The following DAP variants were observed in gnomAD, a reference collection of about 807,000 sequenced individuals.
DAP encodes death-associated protein 1.
A neutral mutation model predicts 13.8 loss-of-function variants in DAP; 8 were observed. The ratio of observed to expected loss-of-function variants is 0.58; its 90% CI spans 0.34 to 1.05. The LOEUF is 1.05. DAP is among the 50% of genes least tolerant of loss of function. The pLI is 0.03. For synonymous variants in DAP, 47 were observed against 47.5 expected, an observed-to-expected ratio of 0.99 and a Z score of 0.04; for missense variants, 106 against 133.2, an observed-to-expected ratio of 0.80 and a Z score of 1.01.
chr5:10,714,491 A>T (rs186170357), intron 2 of DAP, among the ~76,000 whole-genome samples: 2 of 152,260 alleles, frequency 1.3e-5, no homozygotes, highest in Admixed American at 1.3e-4. Flanking sequence ...TAATATTTTG[A>T]TAACTGTACC....
At position 10,680,888 on chromosome 5, in the gene DAP, C is replaced by T. The variant is rs1203494335; in HGVS notation, c.*168G>A. On this transcript the variant is annotated 3_prime_UTR_variant, in exon 4 of 4. Transcript: ENST00000230895. ...CCCATAAACAAGGTTTGGGCTGGAG[C>T]TGTTTCTAGTTTTAAATATGGAAAT... 1 of 1,537,090 alleles carries T rather than the reference C, an allele frequency of 6.5e-7. No individual in the cohort carries two copies. Among genetic ancestry groups the T allele is most frequent in the South Asian group, 1.2e-5 (1 of 84,066 alleles).
At chr5:10,738,963 G>A (rs1298959138) in intron 2 of DAP, among the ~76,000 whole-genome samples, 1 of 152,058 alleles carries the variant, frequency 6.6e-6, no homozygotes, top group East Asian at 1.9e-4. Context: ...AGCACTTTGG[G>A]AGGCTGAGGA....
intron 1 of DAP, among the ~76,000 whole-genome samples, chr5:10,756,310 A>AC (rs1740180591): frequency 1.0e-5 from 1 of 97,608 alleles, no homozygotes; most frequent in Admixed American, 9.7e-5. Flanking sequence ...ACTGGTTGAC[A>AC]CTGGGACTAT....
chr5:10,721,139 A>C (rs1739127804), intron 2 of DAP, among the ~76,000 whole-genome samples: 2 of 152,192 alleles, frequency 1.3e-5, no homozygotes, highest in Non-Finnish European at 1.5e-5. Flanking sequence ...GGCTGGGGCA[A>C]AGTTCTCCAA....
intron 2 of DAP, among the ~76,000 whole-genome samples, chr5:10,699,577 C>T (rs1166883662): frequency 6.6e-6 from 1 of 152,238 alleles, no homozygotes; most frequent in Non-Finnish European, 1.5e-5. Flanking sequence ...GTCTCTGTGG[C>T]AACCCCATGA....
chr5:10,683,408 G>GTC, intron 3 of DAP, 121 bp downstream of exon 3: 1 of 977,482 alleles, frequency 1.0e-6, no homozygotes, highest in Non-Finnish European at 1.7e-6. Flanking sequence ...CATGGCCACA[G>GTC]AGGAGATGAG....
In DAP at chr5:10,681,013, G is replaced by A. The variant is rs770270168; in HGVS notation, c.*43C>T. The A allele has an allele frequency of 6.4e-7, 1 of 1,558,204 alleles. No homozygotes were observed. Among genetic ancestry groups the A allele is most frequent in the South Asian group, 1.2e-5 (1 of 84,738 alleles). On this transcript the variant is annotated 3_prime_UTR_variant, in exon 4 of 4. Coordinates refer to ENST00000230895, the MANE Select transcript of DAP (RefSeq NM_004394.3). ...TCTCTCTGTCAGGGAAATACCAAGT[G>A]CAGCAGAGCCGGGGCCATGGGGCAG... is the stretch of plus-strand genomic sequence containing the variant.
intron 2 of DAP, among the ~76,000 whole-genome samples, chr5:10,731,662 C>T (rs1224854450): frequency 6.6e-6 from 1 of 152,244 alleles, no homozygotes; most frequent in Non-Finnish European, 1.5e-5. Flanking sequence ...CTGTAAACCA[C>T]ATATCTAAGG....
At position 10,680,644 on chromosome 5, in the gene DAP, T is replaced by A. The variant is rs1446969781; in HGVS notation, c.*412A>T. On this transcript the variant is annotated 3_prime_UTR_variant, in exon 4 of 4. Transcript: ENST00000230895. ...TACTCTCCCACAGGTGTTGAGATTT[T>A]ATTGGCCCATACTAAAAAGCATGCA... The A allele has an allele frequency of 1.6e-6, 2 of 1,221,876 alleles. No homozygotes were observed. The highest frequency in any genetic ancestry group is 1.5e-5 in the South Asian group (1 of 66,878). 75.7% of individuals were successfully genotyped at this position (1,221,876 alleles called of 1,614,324 possible). A position where few individuals can be genotyped will look rare whatever the true frequency, so the allele number is the denominator to read the frequency against.
chr5:10,743,462 C>G (rs1368497314), intron 2 of DAP, among the ~76,000 whole-genome samples: 3 of 152,156 alleles, frequency 2.0e-5, no homozygotes. Context: ...TTCCCCATTT[C>G]TGTTTCTTCC....
chr5:10,699,845 C>G (rs1738522905), intron 2 of DAP, among the ~76,000 whole-genome samples: 1 of 152,322 alleles, frequency 6.6e-6, no homozygotes, highest in South Asian at 2.1e-4. Flanking sequence ...CTGGGGTGTC[C>G]CCTGCCTTGA....
chr5:10,695,667 C>T (rs1432626094), intron 2 of DAP, among the ~76,000 whole-genome samples: 1 of 152,146 alleles, frequency 6.6e-6, no homozygotes, highest in African/African-American at 2.4e-5. Context: ...CTGCCCCTTC[C>T]TCAGAACTAC....
chr5:10,749,968 A>C (rs949737535), intron 1 of DAP, among the ~76,000 whole-genome samples: 6 of 152,120 alleles, frequency 3.9e-5, no homozygotes, highest in African/African-American at 1.4e-4. Flanking sequence ...CTTCATCTGC[A>C]GAAAGGAGAT....
intron 2 of DAP, among the ~76,000 whole-genome samples, chr5:10,741,677 C>A (rs1402476301): frequency 6.6e-6 from 1 of 152,200 alleles, no homozygotes; most frequent in Non-Finnish European, 1.5e-5. Context: ...TCCATCATTA[C>A]TATTTATTTA....
chr5:10,757,218 G>T (rs149830817), intron 1 of DAP, among the ~76,000 whole-genome samples: 2 of 152,044 alleles, frequency 1.3e-5, no homozygotes, highest in Non-Finnish European at 2.9e-5. Context: ...CTTTCCGGCC[G>T]CTCCCACTAG....
chr5:10,702,807 G>A (rs1561013080), intron 2 of DAP, among the ~76,000 whole-genome samples: 1 of 152,192 alleles, frequency 6.6e-6, no homozygotes, highest in Non-Finnish European at 1.5e-5. Flanking sequence ...GCCTAAACCA[G>A]AGAAAGACTA....
chr5:10,689,434 T>TAAGA (rs1738242971), intron 2 of DAP, among the ~76,000 whole-genome samples: 1 of 152,138 alleles, frequency 6.6e-6, no homozygotes, highest in Non-Finnish European at 1.5e-5. Flanking sequence ...TTGCAGCGTC[T>TAAGA]AAGAGTCCAC....
intron 2 of DAP, among the ~76,000 whole-genome samples, chr5:10,699,550 C>T (rs763144588): frequency 6.6e-6 from 1 of 152,216 alleles, no homozygotes; most frequent in African/African-American, 2.4e-5. Flanking sequence ...TGGGCTGTCT[C>T]TATTTTGATG....
chr5:10,691,308 G>C (rs1738301834), intron 2 of DAP, among the ~76,000 whole-genome samples: 1 of 152,220 alleles, frequency 6.6e-6, no homozygotes. Flanking sequence ...CATCAAGTTT[G>C]GCCCAAAGGC....
Sources: gnomAD v4.1 joint callset for allele counts (sites outside exome capture counted in the v4.1 genomes callset) on GRCh38, gnomAD v4.1.1 for gene constraint, MANE v1.5 for transcripts, NCBI Gene and HGNC (gene_info 2026-07-23, HGNC 2026-07-21) for gene names.